Variants in ADCY5 observed in about 807,000 individuals in gnomAD.
ADCY5 encodes adenylate cyclase type 5.
ADCY5 carries 30 observed loss-of-function variants against 119.7 expected under a neutral mutation model. The observed-to-expected ratio is 0.25, with a 90% CI of 0.19 to 0.34. The LOEUF is 0.34. Ranked by LOEUF, ADCY5 falls within the 10% of genes least tolerant of loss-of-function variation. The pLI is 1.00. For missense variants in ADCY5, 1,324 were observed against 1,775.2 expected (o/e 0.75, Z 4.57); for synonymous variants, 753 against 762.2 (o/e 0.99, Z 0.20).
rs147400017 is a variant in ADCY5 at position 123,423,615 on chromosome 3, C to G, written c.1134+23797G>C. Among the ~76,000 whole-genome samples the G allele has an allele frequency of 2.6e-3, 396 of 152,268 alleles. 1 individual carries two copies. Among genetic ancestry groups the G allele is most frequent in the African/African-American group, 8.3e-3 (344 of 41,546 alleles). On this transcript the variant is annotated intron_variant, in intron 1 of 20. Transcript: ENST00000462833. ...CCCAATCTGCTGAGGACAGACAAGC[C>G]CCTGCCCTCAAGAGCTCCCTGACAC...
chr3:123,447,781 G>T lies in ADCY5; in HGVS notation c.765C>A (p.Val255=). 1 of 1,610,756 alleles carries T rather than the reference G, an allele frequency of 6.2e-7. No individual in the cohort carries two copies. Among genetic ancestry groups the T allele is most frequent in the South Asian group, 1.1e-5 (1 of 90,972 alleles). Residue 255 remains valine (V), a synonymous_variant, in exon 1 of 21, where the codon GTC becomes GTA. Coordinates refer to ENST00000462833, the MANE Select transcript of ADCY5 (RefSeq NM_183357.3). ...LMAVLVLVCL[V]MLAFHAARPP... The stretch of plus-strand genomic sequence containing the variant: ...GCCGCGCCGCGTGGAAGGCCAACAT[G>T]ACCAGGCACACGAGCACCAGCACGG...
chr3:123,329,733 C>T (rs1941671667), intron 5 of ADCY5, among the ~76,000 whole-genome samples: 1 of 152,166 alleles, frequency 6.6e-6, no homozygotes, highest in South Asian at 2.1e-4. Flanking sequence ...ACTCCCTGAC[C>T]CCATCCCACG....
intron 1 of ADCY5, among the ~76,000 whole-genome samples, chr3:123,381,376 T>A (rs4677887): frequency 2.6e-5 from 4 of 152,106 alleles, no homozygotes; most frequent in Admixed American, 2.0e-4. Flanking sequence ...ACTATACCTC[T>A]TTCTCACAAA....
intron 1 of ADCY5, among the ~76,000 whole-genome samples, chr3:123,436,108 C>T (rs4626035): frequency 1 from 150,906 of 151,208 alleles, 75,305 homozygotes; most frequent in Middle Eastern, 1. Context: ...GCCAAGATGG[C>T]CTCAATCTCC....
chr3:123,439,095 G>A (rs1451024056), intron 1 of ADCY5, among the ~76,000 whole-genome samples: 1 of 330 alleles, frequency 3.0e-3, no homozygotes, highest in Non-Finnish European at 0.029. Flanking sequence ...TTGAGATGGA[G>A]TCTCGCTCTA....
chr3:123,308,590 G>C (rs1413716959), intron 12 of ADCY5, among the ~76,000 whole-genome samples: 2 of 152,030 alleles, frequency 1.3e-5, no homozygotes, highest in Non-Finnish European at 2.9e-5. Context: ...AGCACTTTGG[G>C]AGGCCGAGGC....
chr3:123,374,685 T>C (rs1052154060), intron 1 of ADCY5, among the ~76,000 whole-genome samples: 3 of 150,974 alleles, frequency 2.0e-5, no homozygotes, highest in African/African-American at 7.3e-5. Flanking sequence ...TTGTCTTCTT[T>C]GGCAAAAGGG....
intron 12 of ADCY5, among the ~76,000 whole-genome samples, chr3:123,306,186 T>G (rs914006878): frequency 6.6e-6 from 1 of 152,240 alleles, no homozygotes; most frequent in Non-Finnish European, 1.5e-5. Context: ...TCCTGCTTAA[T>G]AGACATAAAA....
chr3:123,389,235 G>C (rs1273606747), intron 1 of ADCY5, among the ~76,000 whole-genome samples: 1 of 152,140 alleles, frequency 6.6e-6, no homozygotes, highest in African/African-American at 2.4e-5. Flanking sequence ...ACAGGACTGG[G>C]AGCTACAGAG....
intron 12 of ADCY5, among the ~76,000 whole-genome samples, chr3:123,307,438 G>A (rs185323263): frequency 2.0e-5 from 3 of 152,222 alleles, no homozygotes; most frequent in Admixed American, 1.3e-4. Flanking sequence ...GCTGTTAAAC[G>A]CAACAGAAAA....
chr3:123,369,506 A>G (rs1943562054), intron 1 of ADCY5, among the ~76,000 whole-genome samples: 1 of 152,232 alleles, frequency 6.6e-6, no homozygotes, highest in South Asian at 2.1e-4. Context: ...ACATGAAACA[A>G]GTCTGTGTGT....
At chr3:123,415,817 A>T (rs1945171666) in intron 1 of ADCY5, among the ~76,000 whole-genome samples, 1 of 152,220 alleles carries the variant, frequency 6.6e-6, no homozygotes, top group South Asian at 2.1e-4. Context: ...CAGAGAGGCA[A>T]AGATCAAATT....
At chr3:123,377,775 CA>C (rs1308794600) in intron 1 of ADCY5, among the ~76,000 whole-genome samples, 1 of 151,864 alleles carries the variant, frequency 6.6e-6, no homozygotes, top group East Asian at 1.9e-4. Flanking sequence ...ACTAAAAATA[CA>C]AAAATTAGCT....
intron 17 of ADCY5, among the ~76,000 whole-genome samples, chr3:123,293,677 G>C (rs1037317402): frequency 2.0e-5 from 3 of 152,170 alleles, no homozygotes; most frequent in Non-Finnish European, 4.4e-5. Context: ...TGCAAGCACG[G>C]AACAGGGAAG....
intron 1 of ADCY5, among the ~76,000 whole-genome samples, chr3:123,409,044 A>T (rs536455283): frequency 1.3e-5 from 2 of 152,234 alleles, no homozygotes; most frequent in Non-Finnish European, 2.9e-5. Flanking sequence ...ATCTCTGTAG[A>T]TAAAGTATAG....
At chr3:123,364,091 T>C (rs1943349142) in intron 1 of ADCY5, among the ~76,000 whole-genome samples, 1 of 152,168 alleles carries the variant, frequency 6.6e-6, no homozygotes, top group Non-Finnish European at 1.5e-5. Context: ...ATGTATACAT[T>C]TCAAAATGTT....
intron 1 of ADCY5, among the ~76,000 whole-genome samples, chr3:123,394,849 C>T (rs1424867914): frequency 1.3e-5 from 2 of 152,178 alleles, no homozygotes; most frequent in Admixed American, 1.3e-4. Flanking sequence ...AAGGTCGCAT[C>T]AGCAACTACT....
chr3:123,346,883 G>T (rs1399952832), intron 3 of ADCY5, among the ~76,000 whole-genome samples: 1 of 152,120 alleles, frequency 6.6e-6, no homozygotes, highest in East Asian at 1.9e-4. Context: ...CTGGATGAAG[G>T]CCACTGTATC....
chr3:123,363,478 A>G (rs550984284), intron 1 of ADCY5, among the ~76,000 whole-genome samples: 5 of 152,320 alleles, frequency 3.3e-5, no homozygotes, highest in Admixed American at 2.6e-4. Context: ...CTCTGACCCA[A>G]TAAGTTAGTC....
Sources: allele counts gnomAD v4.1 joint callset (sites outside exome capture counted in the v4.1 genomes callset), GRCh38; gene constraint gnomAD v4.1.1; transcripts MANE v1.5; gene names NCBI Gene and HGNC (gene_info 2026-07-23, HGNC 2026-07-21).